MTMR6: variants seen among roughly 807,000 people sequenced by gnomAD.
The protein encoded by MTMR6 is myotubularin related protein 6.
In MTMR6, 47 loss-of-function variants were observed where a neutral mutation model predicts 80.1. That is an observed-to-expected ratio of 0.59 (90% CI 0.46 to 0.75). MTMR6 has a LOEUF of 0.75. Among genes scored for constraint, MTMR6 ranks in the 30% least tolerant of loss-of-function variants. The probability of loss-of-function intolerance (pLI) is 0.00; values close to 1 mark genes in which losing one functional copy is unlikely to be tolerated. For synonymous variants in MTMR6, 254 were observed against 253.0 expected (o/e 1.00, Z -0.04); for missense variants, 629 against 730.9 (o/e 0.86, Z 1.61).
chr13:25,277,129 T>C (rs564301413), intron 1 of MTMR6, among the ~76,000 whole-genome samples: 44 of 152,342 alleles, frequency 2.9e-4, no homozygotes, highest in Non-Finnish European at 4.3e-4. Flanking sequence ...TTTCTAATTC[T>C]GTATTTTGGA....
At chr13:25,273,334 C>T (rs1427114640) in intron 2 of MTMR6, among the ~76,000 whole-genome samples, 1 of 152,002 alleles carries the variant, frequency 6.6e-6, no homozygotes, top group Non-Finnish European at 1.5e-5. Flanking sequence ...GAAACATATA[C>T]ATATGTCTCA....
intron 11 of MTMR6, among the ~76,000 whole-genome samples, chr13:25,252,464 T>C (rs1957112557): frequency 6.6e-6 from 1 of 152,226 alleles, no homozygotes; most frequent in African/African-American, 2.4e-5. Flanking sequence ...TATGCAAGAA[T>C]TTTAAAAGCC....
chr13:25,275,766 CAGG>C (rs1336879269), intron 1 of MTMR6, among the ~76,000 whole-genome samples: 2 of 150,630 alleles, frequency 1.3e-5, no homozygotes, highest in Non-Finnish European at 2.9e-5. Context: ...GAGGCTGAGG[CAGG>C]AGAATCACTT....
chr13:25,269,832 C>T lies in MTMR6; in HGVS notation c.142-1891G>A, dbSNP rs377742374. ...AACAAATAATTAACACACACACACA[C>T]ATATATAGTCCTTACGGCTAAGATT... On this transcript the variant is annotated intron_variant, in intron 2 of 13. Transcript: ENST00000381801. Among the ~76,000 whole-genome samples the T allele has an allele frequency of 3.9e-5, 6 of 152,056 alleles. No individual in the cohort carries two copies. In the East Asian group the frequency reaches 9.6e-4, roughly 24 times the overall value.
At chr13:25,254,788 T>TG (rs1957160880) in intron 9 of MTMR6, among the ~76,000 whole-genome samples, 1 of 152,150 alleles carries the variant, frequency 6.6e-6, no homozygotes, top group African/African-American at 2.4e-5. Flanking sequence ...AAACCAAAAC[T>TG]GCTAACAAAG....
At chr13:25,257,129 T>C in intron 9 of MTMR6, 67 bp downstream of exon 9, 1 of 1,482,988 alleles carries the variant, frequency 6.7e-7, no homozygotes, top group Non-Finnish European at 9.1e-7. Context: ...CATTGCCAAA[T>C]GTCCTCTGGA....
rs746884993 is a variant in MTMR6, at chr13:25,266,176, C to A, written c.415G>T (p.Val139Leu). 4 of 1,614,110 alleles carry A rather than the reference C, an allele frequency of 2.5e-6. No homozygotes were observed. The Admixed American group carries it at 6.7e-5, about 27-fold the overall frequency. Residue 139 changes from valine to leucine, a missense_variant, in exon 4 of 14, where the codon GTG becomes TTG. Val to Leu is a conservative substitution (Grantham distance 32). Transcript: ENST00000381801. ...DLAEEYKRMG[V>L]PNSHWQLSDA... ...GACAACTGCCAGTGTGAGTTTGGCA[C>A]TCCCATCCTCTTATATTCCTCAGCG...
intron 6 of MTMR6, 94 bp downstream of exon 6, chr13:25,261,574 G>A: frequency 9.2e-7 from 1 of 1,090,146 alleles, no homozygotes; most frequent in Non-Finnish European, 1.2e-6. Flanking sequence ...CTAGGATTCA[G>A]ATATTTTAAA....
At chr13:25,260,445 A>C (rs1007863182) in intron 6 of MTMR6, 1 of 452,984 alleles carries the variant, frequency 2.2e-6, no homozygotes, top group African/African-American at 2.1e-5. Flanking sequence ...AATTTACTCA[A>C]ATTAATCTCT....
intron 13 of MTMR6, 71 bp from the exon 14 acceptor site, chr13:25,249,563 C>T (rs2137510887): frequency 6.9e-7 from 1 of 1,452,996 alleles, no homozygotes; most frequent in Non-Finnish European, 9.3e-7. Context: ...AAAAAGAAAA[C>T]ATGCTTTTGC....
intron 1 of MTMR6, among the ~76,000 whole-genome samples, chr13:25,280,998 G>A (rs1957830112): frequency 6.6e-6 from 1 of 152,152 alleles, no homozygotes; most frequent in Admixed American, 6.5e-5. Flanking sequence ...GGAAAACACA[G>A]AGAACCCCAC....
intron 2 of MTMR6, among the ~76,000 whole-genome samples, chr13:25,268,694 G>A (rs1957506178): frequency 1.3e-5 from 2 of 152,300 alleles, no homozygotes; most frequent in South Asian, 2.1e-4. Flanking sequence ...GAGGATGCCA[G>A]CTGCAGTGGG....
chr13:25,260,683 C>A, intron 6 of MTMR6: 6 of 1,261,460 alleles, frequency 4.8e-6, no homozygotes, highest in Non-Finnish European at 2.0e-6. Context: ...GCTCTGCATG[C>A]GACGCTATAA....
Position 25,249,265 on chromosome 13 carries a change from G to C in MTMR6, c.1833C>G (p.Ser611Arg). 6.2e-7 allele frequency: 1 copy of C among 1,614,006 alleles called. No individual in the cohort carries two copies. The highest frequency in any genetic ancestry group is 8.5e-7 in the Non-Finnish European group (1 of 1,179,928). Residue 611 changes from serine to arginine, a missense_variant, in exon 14 of 14, where the codon AGC becomes AGG. Coordinates refer to ENST00000381801, the MANE Select transcript of MTMR6 (RefSeq NM_004685.5). Reference protein sequence around the residue: ...EFSKSEPAVVSLEYGVARMTC With the variant: ...EFSKSEPAVVRLEYGVARMTC Reference sequence around the variant, plus strand: ...TCATTCTTGCCACACCATACTCTAAGCTGACCACAGCAGGTTCTGATTTAG... The same window carrying C: ...TCATTCTTGCCACACCATACTCTAACCTGACCACAGCAGGTTCTGATTTAG...
At chr13:25,282,118 C>T (rs923516614) in intron 1 of MTMR6, among the ~76,000 whole-genome samples, 2 of 152,150 alleles carry the variant, frequency 1.3e-5, no homozygotes, top group African/African-American at 2.4e-5. Context: ...CAGGCATGCC[C>T]TCAAAGGGTT....
intron 2 of MTMR6, 103 bp from the exon 3 acceptor site, chr13:25,268,044 A>G: frequency 8.7e-7 from 1 of 1,150,792 alleles, no homozygotes; most frequent in Non-Finnish European, 1.2e-6. Context: ...AAAGTTGAAA[A>G]TGTTACATAC....
chr13:25,262,142 C>T (rs1049964798), intron 5 of MTMR6, among the ~76,000 whole-genome samples: 1 of 152,020 alleles, frequency 6.6e-6, no homozygotes, highest in African/African-American at 2.4e-5. Flanking sequence ...AACTGAAGTT[C>T]AAGTAAAAGA....
Position 25,251,525 on chromosome 13 carries a change from C to T in MTMR6, c.1605+124G>A. 1.2e-6 allele frequency: 1 copy of T among 840,188 alleles called. No individual in the cohort carries two copies. The highest frequency in any genetic ancestry group is 1.8e-6 in the Non-Finnish European group (1 of 552,470). The allele number at this position is 840,188 out of a possible 1,614,324, so 52.0% of individuals were successfully genotyped here. A position where few individuals can be genotyped will look rare whatever the true frequency, so the allele number is the denominator to read the frequency against. On this transcript the variant is annotated intron_variant, in intron 13 of 13. Transcript: ENST00000381801. This position sits in a 1 kb window ranked among gnomAD's most constrained non-coding sequence, Gnocchi z 4.1. ...CGTATTCAATCAAAGTAGGGATGACCTGATTTTGAAGAAACTGCTTACTTC... is the reference window on the plus strand; with the variant it reads ...CGTATTCAATCAAAGTAGGGATGACTTGATTTTGAAGAAACTGCTTACTTC...
chr13:25,257,878 T>C (rs375517617), intron 7 of MTMR6, 33 bp from the exon 8 acceptor site: 188 of 1,475,822 alleles, frequency 1.3e-4, no homozygotes, highest in Non-Finnish European at 1.7e-4. Flanking sequence ...TCAATTAGAA[T>C]ATGGCTAGAG....
Sources: allele counts gnomAD v4.1 joint callset (sites outside exome capture counted in the v4.1 genomes callset), GRCh38; gene constraint gnomAD v4.1.1; non-coding constraint Gnocchi (gnomAD v3.1); transcripts MANE v1.5; gene names NCBI Gene and HGNC (gene_info 2026-07-23, HGNC 2026-07-21).